PBRM1: variants seen among roughly 807,000 people sequenced by gnomAD.
PBRM1 encodes protein polybromo-1.
PBRM1 carries 27 observed loss-of-function variants against 194.5 expected under a neutral mutation model. The observed-to-expected ratio is 0.14, with a 90% confidence interval of 0.10 to 0.19. The LOEUF (loss-of-function observed/expected upper bound fraction) is 0.19. Ranked by LOEUF, PBRM1 falls within the 10% of genes least tolerant of loss-of-function variation. The pLI is 1.00. For synonymous variants in PBRM1, 655 were observed against 693.2 expected (o/e 0.94, Z 0.87); for missense variants, 1,466 against 2,077.2 (o/e 0.71, Z 5.72).
At chr3:52,560,781 T>C (rs2153478591) in intron 25 of PBRM1, 1 of 152,342 alleles carries the variant, frequency 6.6e-6, no homozygotes, top group Admixed American at 6.5e-5. Context: ...GGGAAGCCTG[T>C]CAGATAATTT....
intron 17 of PBRM1, among the ~76,000 whole-genome samples, chr3:52,593,517 A>G (rs1232832761): frequency 1.3e-5 from 2 of 152,208 alleles, no homozygotes; most frequent in African/African-American, 4.8e-5. Flanking sequence ...GATTATAGGC[A>G]TGAGCCACCG....
intron 26 of PBRM1, among the ~76,000 whole-genome samples, chr3:52,557,152 C>CT (rs2082395068): frequency 1.3e-5 from 2 of 151,990 alleles, no homozygotes; most frequent in Admixed American, 1.3e-4. Context: ...ATAGAGCAGG[C>CT]GATTATGAGA....
rs1575571065 is a variant in PBRM1, at chr3:52,558,167, T to G, written c.4453+82A>C. 48 of 970,364 alleles carry G rather than the reference T, an allele frequency of 4.9e-5. No homozygotes were observed. In the South Asian group the frequency reaches 7.7e-4, roughly 16 times the overall value. The allele number at this position is 970,364 out of a possible 1,614,324, so 60.1% of individuals were successfully genotyped here. On this transcript the variant is annotated intron_variant, in intron 26 of 29. Coordinates refer to ENST00000296302, the Ensembl canonical transcript of PBRM1. ...TCTGTCATGAGAAAAGGCAATAGAC[T>G]GTGGCCTACTCCTTATTGGAGAAAA... is the stretch of plus-strand genomic sequence containing the variant.
At position 52,649,269 on chromosome 3, in the gene PBRM1, A is replaced by G. The variant is rs977420431; in HGVS notation, c.715-827T>C. Among the ~76,000 whole-genome samples the G allele has an allele frequency of 1.6e-3, 251 of 152,260 alleles. 1 individual carries two copies. Among genetic ancestry groups the G allele is most frequent in the African/African-American group, 5.8e-3 (239 of 41,564 alleles). ...GCATCGGGAGGGCTCTACCTCCCAT[A>G]ATGAGGATGTAAGTGGGCAAATGGT... On this transcript the variant is annotated intron_variant, in intron 6 of 29. Transcript: ENST00000296302.
At chr3:52,656,305 G>A (rs533188337) in intron 5 of PBRM1, among the ~76,000 whole-genome samples, 1 of 152,122 alleles carries the variant, frequency 6.6e-6, no homozygotes, top group East Asian at 1.9e-4. Context: ...TTAAAAGGAG[G>A]AAGAACTCAT....
intron 2 of PBRM1, among the ~76,000 whole-genome samples, chr3:52,674,301 G>GAGAAACCCTGTCTCT (rs1423747522): frequency 6.6e-6 from 1 of 151,382 alleles, no homozygotes; most frequent in Non-Finnish European, 1.5e-5. Context: ...GACCAACATA[G>GAGAAACCCTGTCTCT]AGAAACCCTG....
chr3:52,549,820 G>A (rs1022140435), intron 29 of PBRM1, among the ~76,000 whole-genome samples: 5 of 151,794 alleles, frequency 3.3e-5, no homozygotes, highest in African/African-American at 7.3e-5. Flanking sequence ...CACAAGAATC[G>A]CTTGAACCTG....
In PBRM1 at chr3:52,677,408, CT is replaced by C. The variant is rs71087007; in HGVS notation, c.236+1091del. 1.5e-3 allele frequency among the ~76,000 whole-genome samples: 165 copies of C among 110,800 alleles called. 1 individual carries two copies. The highest frequency in any genetic ancestry group is 3.2e-3 in the African/African-American group (71 of 22,084). The allele number at this position is 110,800 out of a possible 152,430, so 72.7% of individuals were successfully genotyped here. ...ACAGGCGCCCCACCACCATGCTCGG[CT>C]TTTTTTTTTTTTTTTTTTTTGAGAT... On this transcript the variant is annotated intron_variant, in intron 2 of 29. Transcript: ENST00000296302.
At chr3:52,571,778 T>C (rs2087350604) in intron 22 of PBRM1, among the ~76,000 whole-genome samples, 1 of 146,680 alleles carries the variant, frequency 6.8e-6, no homozygotes, top group Non-Finnish European at 1.5e-5. Context: ...CCCAGCACTT[T>C]CGGGGAGGCT....
At chr3:52,615,912 T>TA (rs1185234198) in intron 14 of PBRM1, among the ~76,000 whole-genome samples, 1 of 152,188 alleles carries the variant, frequency 6.6e-6, no homozygotes, top group Admixed American at 6.5e-5. Flanking sequence ...GCTTAATCTA[T>TA]AAAAAAACAA....
chr3:52,574,942 C>T (rs1356594964), intron 22 of PBRM1, among the ~76,000 whole-genome samples: 1 of 152,152 alleles, frequency 6.6e-6, no homozygotes. Flanking sequence ...ACTCTGTTGC[C>T]CAGGCTGGAG....
intron 13 of PBRM1, among the ~76,000 whole-genome samples, chr3:52,623,660 T>C (rs1406761203): frequency 6.6e-6 from 1 of 152,226 alleles, no homozygotes; most frequent in East Asian, 1.9e-4. Flanking sequence ...GACCCAGTTC[T>C]AAGAGCTTTA....
chr3:52,577,858 T>C (rs1170942387), intron 21 of PBRM1, among the ~76,000 whole-genome samples: 17 of 152,298 alleles, frequency 1.1e-4, no homozygotes, highest in East Asian at 7.7e-4. Flanking sequence ...CCTATTAAGA[T>C]CTAAACCAAA....
intron 17 of PBRM1, 118 bp from the exon 20 acceptor site, chr3:52,589,373 T>C: frequency 1.8e-6 from 1 of 555,012 alleles, no homozygotes; most frequent in Non-Finnish European, 2.9e-6. Context: ...TAATTCCATT[T>C]GCAACATGCG....
intron 6 of PBRM1, among the ~76,000 whole-genome samples, chr3:52,649,636 G>A (rs540127463): frequency 4.3e-4 from 66 of 152,220 alleles, no homozygotes; most frequent in Non-Finnish European, 7.9e-4. Context: ...ACTTAAATTA[G>A]TCAGAGTTGG....
chr3:52,662,380 A>G, intron 3 of PBRM1, 104 bp from the exon 5 acceptor site: 2 of 877,852 alleles, frequency 2.3e-6, no homozygotes, highest in Non-Finnish European at 3.5e-6. Flanking sequence ...AATTGTTACA[A>G]ATTTTAACAT....
At chr3:52,580,626 T>C (rs975448081) in intron 20 of PBRM1, among the ~76,000 whole-genome samples, 2 of 152,186 alleles carry the variant, frequency 1.3e-5, no homozygotes, top group Admixed American at 1.3e-4. Context: ...CCTCCCAAAG[T>C]GCGGGGATTA....
intron 8 of PBRM1, among the ~76,000 whole-genome samples, chr3:52,644,091 A>G (rs1447696726): frequency 6.6e-6 from 1 of 151,776 alleles, no homozygotes; most frequent in Non-Finnish European, 1.5e-5. Flanking sequence ...ATATATAAAT[A>G]CCATACTATT....
At chr3:52,624,241 G>T (rs1256332149) in intron 13 of PBRM1, among the ~76,000 whole-genome samples, 1 of 152,182 alleles carries the variant, frequency 6.6e-6, no homozygotes, top group Non-Finnish European at 1.5e-5. Flanking sequence ...GCAGGTAAAA[G>T]AGATGACTAA....
Sources: gnomAD v4.1 joint callset for allele counts (sites outside exome capture counted in the v4.1 genomes callset) on GRCh38, gnomAD v4.1.1 for gene constraint, MANE v1.5 for transcripts, NCBI Gene and HGNC (gene_info 2026-07-23, HGNC 2026-07-21) for gene names.